Variants in DPY19L3 observed in about 807,000 individuals in gnomAD.
DPY19L3 encodes dpy-19 like C-mannosyltransferase 3, also known as protein C-mannosyl-transferase DPY19L3.
In DPY19L3, 51 loss-of-function variants were observed where a neutral mutation model predicts 92.3. The ratio of observed to expected loss-of-function variants is 0.55; its 90% CI spans 0.44 to 0.70. DPY19L3 has a LOEUF of 0.70. Among genes scored for constraint, DPY19L3 ranks in the 30% least tolerant of loss-of-function variants. The pLI, the probability that DPY19L3 is intolerant of heterozygous loss-of-function variation, is 0.00. For synonymous variants in DPY19L3, 309 were observed against 315.2 expected, an observed-to-expected ratio of 0.98 and a Z score of 0.21; for missense variants, 706 against 855.9, an observed-to-expected ratio of 0.82 and a Z score of 2.18.
intron 3 of DPY19L3, among the ~76,000 whole-genome samples, chr19:32,415,806 A>G (rs755501043): frequency 6.6e-6 from 1 of 152,216 alleles, no homozygotes; most frequent in Non-Finnish European, 1.5e-5. Context: ...GAACTTAATT[A>G]TGATGAAAAG....
chr19:32,433,869 C>T (rs1969050056), intron 4 of DPY19L3, among the ~76,000 whole-genome samples: 1 of 152,180 alleles, frequency 6.6e-6, no homozygotes, highest in Non-Finnish European at 1.5e-5. Flanking sequence ...ATCACCAGCC[C>T]TTCGCTTAGT....
At position 32,432,788 on chromosome 19, in the gene DPY19L3, G is replaced by T; in HGVS notation, c.310G>T (p.Ala104Ser). Residue 104 changes from alanine (A) to serine (S), a missense_variant, in exon 4 of 19, where the codon GCT becomes TCT. Coordinates refer to ENST00000392250, the MANE Select transcript of DPY19L3 (RefSeq NM_001172774.2). ...YYSYYKQMLQAPTLVQGFHGL... is the reference protein window; with the variant it reads ...YYSYYKQMLQSPTLVQGFHGL... ...CTCCTACTACAAGCAGATGCTGCAGGCTCCAACCCTCGTGCAAGGTAATTA... is the reference window on the plus strand; with the variant it reads ...CTCCTACTACAAGCAGATGCTGCAGTCTCCAACCCTCGTGCAAGGTAATTA... 6.2e-7 allele frequency: 1 copy of T among 1,613,772 alleles called. No homozygotes were observed. Among genetic ancestry groups the T allele is most frequent in the Non-Finnish European group, 8.5e-7 (1 of 1,179,890 alleles).
At chr19:32,452,058 T>G (rs1168562649) in intron 8 of DPY19L3, among the ~76,000 whole-genome samples, 2 of 152,134 alleles carry the variant, frequency 1.3e-5, no homozygotes, top group Non-Finnish European at 2.9e-5. Flanking sequence ...TGAACTGGGC[T>G]CAAGCAATCC....
chr19:32,448,087 T>C (rs1379527956), intron 8 of DPY19L3, among the ~76,000 whole-genome samples: 1 of 152,152 alleles, frequency 6.6e-6, no homozygotes, highest in Non-Finnish European at 1.5e-5. Context: ...ACCGTACTTA[T>C]ATCCCTTAAA....
intron 16 of DPY19L3, among the ~76,000 whole-genome samples, chr19:32,476,401 G>A (rs577812737): frequency 4.6e-5 from 7 of 151,920 alleles, no homozygotes; most frequent in East Asian, 1.9e-4. Flanking sequence ...AAGGATAAAC[G>A]CAGCCCGCAG....
At chr19:32,481,844 T>G in intron 18 of DPY19L3, 1 of 482,998 alleles carries the variant, frequency 2.1e-6, no homozygotes, top group Middle Eastern at 5.5e-4. Flanking sequence ...AGTTCTGGCT[T>G]TCCCGTTAAT....
intron 3 of DPY19L3, among the ~76,000 whole-genome samples, chr19:32,423,699 GA>G (rs1218619247): frequency 2.6e-5 from 4 of 152,134 alleles, no homozygotes; most frequent in African/African-American, 9.7e-5. Flanking sequence ...GATAAAAGAA[GA>G]AGGGGAAGAG....
chr19:32,474,404 G>A (rs1006027411), intron 16 of DPY19L3, among the ~76,000 whole-genome samples: 4 of 152,212 alleles, frequency 2.6e-5, no homozygotes, highest in Non-Finnish European at 5.9e-5. Flanking sequence ...CCTGCTAGGG[G>A]CCGGGGATGG....
intron 15 of DPY19L3, chr19:32,467,353 C>A: frequency 1.3e-6 from 1 of 750,432 alleles, no homozygotes; most frequent in Non-Finnish European, 1.6e-6. Flanking sequence ...AGAATTAGAG[C>A]ATTTCATTAA....
intron 16 of DPY19L3, among the ~76,000 whole-genome samples, chr19:32,473,998 T>G (rs1387922442): frequency 6.6e-6 from 1 of 152,070 alleles, no homozygotes; most frequent in Non-Finnish European, 1.5e-5. Context: ...AGATGGAGTT[T>G]CACCATGTTG....
intron 8 of DPY19L3, among the ~76,000 whole-genome samples, chr19:32,446,157 A>T (rs1198144476): frequency 6.6e-6 from 1 of 152,184 alleles, no homozygotes; most frequent in Non-Finnish European, 1.5e-5. Flanking sequence ...AACAGTTAAA[A>T]TGTCTATACC....
chr19:32,473,133 T>G (rs1568360837), intron 16 of DPY19L3, among the ~76,000 whole-genome samples: 1 of 152,214 alleles, frequency 6.6e-6, no homozygotes, highest in Non-Finnish European at 1.5e-5. Flanking sequence ...ATAAATGAGA[T>G]TATTTGTTCA....
intron 9 of DPY19L3, among the ~76,000 whole-genome samples, chr19:32,453,963 C>A (rs1224542104): frequency 6.6e-6 from 1 of 152,068 alleles, no homozygotes; most frequent in Non-Finnish European, 1.5e-5. Context: ...ACTTCCGTGT[C>A]AAGAAGCCAT....
intron 3 of DPY19L3, among the ~76,000 whole-genome samples, chr19:32,414,444 A>G (rs530345774): frequency 6.6e-6 from 1 of 151,700 alleles, no homozygotes; most frequent in African/African-American, 2.4e-5. Context: ...AACAAAAGAA[A>G]TTAGCCAGGC....
At position 32,437,299 on chromosome 19, in the gene DPY19L3, C is replaced by G; in HGVS notation, c.556C>G (p.Leu186Val). Residue 186 changes from leucine to valine, a missense_variant, in exon 6 of 19, where the codon CTG (leucine) becomes GTG (valine). Physicochemically the swap from Leu to Val is conservative, Grantham distance 32. Coordinates refer to ENST00000392250, the MANE Select transcript of DPY19L3 (RefSeq NM_001172774.2). Reference protein sequence around the residue: ...ITSWLLSGTWLSGLLAAFWYV... With the variant: ...ITSWLLSGTWVSGLLAAFWYV... ...CAGCTGGCTACTCAGTGGTACATGG[C>G]TGTCAGGACTGTTGGCAGCTTTCTG... 6.2e-7 allele frequency: 1 copy of G among 1,614,130 alleles called. No homozygotes were observed. Among genetic ancestry groups the G allele is most frequent in the Non-Finnish European group, 8.5e-7 (1 of 1,179,986 alleles).
intron 6 of DPY19L3, 108 bp from the exon 7 acceptor site, chr19:32,439,004 A>G: frequency 8.3e-7 from 1 of 1,206,846 alleles, no homozygotes; most frequent in Non-Finnish European, 1.2e-6. Context: ...AGTGGCCAGA[A>G]TCTTAAGTAT....
chr19:32,428,660 G>A (rs1968850830), intron 3 of DPY19L3, among the ~76,000 whole-genome samples: 1 of 152,168 alleles, frequency 6.6e-6, no homozygotes, highest in South Asian at 2.1e-4. Flanking sequence ...CAAATTTGGT[G>A]TCATTTGTCT....
Position 32,485,384 on chromosome 19 carries a change from G to T in DPY19L3, c.*3144G>T, listed in dbSNP as rs1970772048. 1 of 151,356 alleles carries T rather than the reference G, an allele frequency of 6.6e-6. No individual in the cohort carries two copies. Among genetic ancestry groups the T allele is most frequent in the South Asian group, 2.1e-4 (1 of 4,824 alleles). The allele number at this position is 151,356 out of a possible 1,614,324, so 9.4% of individuals were successfully genotyped here. On this transcript the variant is annotated 3_prime_UTR_variant, in exon 19 of 19. Coordinates refer to ENST00000392250, the MANE Select transcript of DPY19L3 (RefSeq NM_001172774.2). ...TTTTCCCGACCCTTGTGAGATCAGC[G>T]TGACAGGAGTGTGTGTGTGTGTGTG...
chr19:32,437,108 A>G (rs1969167511), intron 5 of DPY19L3, 86 bp from the exon 6 acceptor site: 9 of 1,519,964 alleles, frequency 5.9e-6, no homozygotes, highest in Non-Finnish European at 8.1e-6. Flanking sequence ...GCTCCTGCAT[A>G]TTGTATTCCT....
Sources: gnomAD v4.1 joint callset for allele counts (sites outside exome capture counted in the v4.1 genomes callset) on GRCh38, gnomAD v4.1.1 for gene constraint, MANE v1.5 for transcripts, NCBI Gene and HGNC (gene_info 2026-07-23, HGNC 2026-07-21) for gene names.